The following ZC3H7B variants were observed in gnomAD, a reference collection of about 807,000 sequenced individuals.
ZC3H7B encodes zinc finger CCCH domain-containing protein 7B.
Under a neutral mutation model 116.0 loss-of-function variants are expected in ZC3H7B, and 35 were observed. The observed-to-expected ratio is 0.30, with a 90% CI of 0.23 to 0.40. ZC3H7B has a LOEUF of 0.40. ZC3H7B is among the 10% of genes least tolerant of loss of function. ZC3H7B has a pLI of 1.00. For missense variants in ZC3H7B, 1,011 were observed against 1,321.5 expected, an observed-to-expected ratio of 0.77 and a Z score of 3.64; for synonymous variants, 502 against 545.6, an observed-to-expected ratio of 0.92 and a Z score of 1.11.
intron 5 of ZC3H7B, among the ~76,000 whole-genome samples, chr22:41,328,925 G>A (rs756771219): frequency 2.2e-4 from 33 of 150,920 alleles, no homozygotes; most frequent in Non-Finnish European, 1.5e-5. Context: ...AGTGGCTCAC[G>A]CCTGTAATCC....
intron 17 of ZC3H7B, among the ~76,000 whole-genome samples, chr22:41,353,404 C>T (rs1281574913): frequency 2.0e-5 from 3 of 152,224 alleles, no homozygotes; most frequent in Non-Finnish European, 4.4e-5. Context: ...GAACCCTGGC[C>T]CTCGTATCTC....
chr22:41,314,739 A>G (rs1015896456), intron 1 of ZC3H7B, among the ~76,000 whole-genome samples: 11 of 151,408 alleles, frequency 7.3e-5, no homozygotes, highest in Admixed American at 7.2e-4. Context: ...CCTCCCAAGT[A>G]GCTGGGACTA....
chr22:41,317,470 A>G (rs1270918832), intron 1 of ZC3H7B, among the ~76,000 whole-genome samples: 2 of 152,094 alleles, frequency 1.3e-5, no homozygotes, highest in African/African-American at 4.8e-5. Flanking sequence ...GGGGGCACAA[A>G]CGTCCAGGCC....
chr22:41,348,766 G>C (rs1406440784), intron 15 of ZC3H7B, among the ~76,000 whole-genome samples: 1 of 152,206 alleles, frequency 6.6e-6, no homozygotes, highest in Non-Finnish European at 1.5e-5. Flanking sequence ...CTGCAGTGAG[G>C]GTAATTAAGA....
chr22:41,326,067 C>T (rs2036313875), intron 4 of ZC3H7B, 149 bp downstream of exon 4: 1 of 933,512 alleles, frequency 1.1e-6, no homozygotes, highest in African/African-American at 1.7e-5. Flanking sequence ...GTTCTCGTGG[C>T]TCTTAATCTC....
At chr22:41,356,611 G>A in intron 21 of ZC3H7B, 34 bp from the exon 22 acceptor site, 1 of 1,612,552 alleles carries the variant, frequency 6.2e-7, no homozygotes, top group Non-Finnish European at 8.5e-7. Flanking sequence ...CAGAGGTGTG[G>A]GGGAGCAGGC....
At chr22:41,313,634 G>C (rs928528356) in intron 1 of ZC3H7B, among the ~76,000 whole-genome samples, 45 of 152,296 alleles carry the variant, frequency 3.0e-4, no homozygotes, top group Admixed American at 1.7e-3. Flanking sequence ...TACACTGTCA[G>C]TATACGTACA....
At position 41,333,150 on chromosome 22, in the gene ZC3H7B, G is replaced by A. The variant is rs182249422; in HGVS notation, c.582+923G>A. 250 of 152,570 alleles carry A rather than the reference G, an allele frequency of 1.6e-3. 1 individual carries two copies. Among genetic ancestry groups the A allele is most frequent in the Middle Eastern group, 3.4e-3 (1 of 298 alleles). 9.5% of individuals were successfully genotyped at this position (152,570 alleles called of 1,614,324 possible). On this transcript the variant is annotated intron_variant, in intron 7 of 22. Coordinates refer to ENST00000352645, the MANE Select transcript of ZC3H7B (RefSeq NM_017590.6). Reference sequence around the variant, plus strand: ...GGGGACGGGGCCAGTGTCACACAGCGAGGCAGCAGCAGGCCTCCCTCCTCC... The same window carrying A: ...GGGGACGGGGCCAGTGTCACACAGCAAGGCAGCAGCAGGCCTCCCTCCTCC...
In ZC3H7B at chr22:41,320,609, G is replaced by T. The variant is rs377019991; in HGVS notation, c.-6-46G>T. The T allele has an allele frequency of 1.1e-5, 17 of 1,611,502 alleles. No individual in the cohort carries two copies. The Middle Eastern group carries it at 5.0e-4, about 47-fold the overall frequency. ...CACGAAGTGGTGGTGGCTGACGGCA[G>T]CCTGGCTCTTGCTGACTGACTGATG... On this transcript the variant is annotated intron_variant, in intron 1 of 22. Coordinates refer to ENST00000352645, the MANE Select transcript of ZC3H7B (RefSeq NM_017590.6).
At chr22:41,313,071 CAT>C (rs1412208020) in intron 1 of ZC3H7B, among the ~76,000 whole-genome samples, 1 of 151,048 alleles carries the variant, frequency 6.6e-6, no homozygotes, top group African/African-American at 2.4e-5. Flanking sequence ...TGTTTTCTCA[CAT>C]AAAAAATGAG....
chr22:41,309,006 T>A (rs943970093), intron 1 of ZC3H7B, among the ~76,000 whole-genome samples: 2 of 141,602 alleles, frequency 1.4e-5, no homozygotes, highest in Non-Finnish European at 3.1e-5. Context: ...ACTCCCAGTC[T>A]GCTTTTTTTT....
chr22:41,311,799 T>G (rs1032236410), intron 1 of ZC3H7B, among the ~76,000 whole-genome samples: 3 of 152,022 alleles, frequency 2.0e-5, no homozygotes, highest in African/African-American at 7.2e-5. Context: ...GATGTTGGTC[T>G]TGAGACCTGG....
chr22:41,342,260 A>G (rs540355962), intron 11 of ZC3H7B, among the ~76,000 whole-genome samples: 2 of 152,244 alleles, frequency 1.3e-5, no homozygotes, highest in Admixed American at 1.3e-4. Context: ...CCTTCAAAGA[A>G]AGGCTCAGAG....
rs373304213 is a variant in ZC3H7B, at chr22:41,346,122, G to A, written c.1579G>A (p.Asp527Asn). 16 of 1,613,436 alleles carry A rather than the reference G, an allele frequency of 9.9e-6. No homozygotes were observed. The highest frequency in any genetic ancestry group is 2.2e-5 in the East Asian group (1 of 44,892). ...KGTLNRDLLF[D>N]PLGGVKRGSL... ...CACCCTCAACCGCGACCTGCTCTTC[G>A]ACCCGCTGGGGGGTGTTAAGCGCGG... The change falls in exon 14 of 23, where the codon GAC becomes AAC. Residue 527 changes from aspartate (D) to asparagine (N), a missense_variant. Asp to Asn is a conservative substitution (Grantham distance 23). This residue lies in a region of ZC3H7B where 179 missense variants were observed against 178.5 expected (regional missense o/e 1.00). Transcript: ENST00000352645. This position sits in a 1 kb window ranked among gnomAD's most constrained non-coding sequence, Gnocchi z 5.3.
intron 1 of ZC3H7B, among the ~76,000 whole-genome samples, chr22:41,314,234 G>A (rs982622953): frequency 2.6e-5 from 4 of 151,442 alleles, no homozygotes; most frequent in Non-Finnish European, 5.9e-5. Context: ...TCAGCTCACT[G>A]CAACCTCTGC....
intron 2 of ZC3H7B, among the ~76,000 whole-genome samples, chr22:41,322,376 C>T (rs554527662): frequency 4.0e-5 from 6 of 151,730 alleles, no homozygotes; most frequent in East Asian, 2.0e-4. Context: ...TTAGTAGAGA[C>T]GGGGTTTCAC....
chr22:41,357,222 C>T lies in ZC3H7B; in HGVS notation c.2727C>T (p.Cys909=), dbSNP rs767051352. The T allele has an allele frequency of 6.8e-6, 11 of 1,613,522 alleles. No homozygotes were observed. The highest frequency in any genetic ancestry group is 2.7e-5 in the African/African-American group (2 of 74,914). Reference sequence around the variant, plus strand: ...GCCCAGATGGGGACAAGTGCCGCTGCGCCCATGGACAGGAGGAGCTCAACG... The same window carrying T: ...GCCCAGATGGGGACAAGTGCCGCTGTGCCCATGGACAGGAGGAGCTCAACG... ...KACPDGDKCR[C]AHGQEELNEW... is the part of the protein sequence containing the mutation. The change falls in exon 23 of 23, where the codon TGC becomes TGT. Residue 909 remains cysteine, a synonymous_variant. Transcript: ENST00000352645. This position sits in a 1 kb window ranked among gnomAD's most constrained non-coding sequence, Gnocchi z 5.4.
chr22:41,329,868 T>C (rs2036360325), intron 5 of ZC3H7B, among the ~76,000 whole-genome samples, 155 bp from the exon 6 acceptor site: 1 of 152,222 alleles, frequency 6.6e-6, no homozygotes, highest in Admixed American at 6.5e-5. Context: ...GCTGTGTGAC[T>C]TGGACAAGCC....
chr22:41,343,917 C>T (rs1442637970), intron 13 of ZC3H7B, among the ~76,000 whole-genome samples: 2 of 152,280 alleles, frequency 1.3e-5, no homozygotes, highest in South Asian at 2.1e-4. Context: ...TGAGGGGCCG[C>T]GGGGCAGTGT....
Sources: allele counts gnomAD v4.1 joint callset (sites outside exome capture counted in the v4.1 genomes callset), GRCh38; gene constraint gnomAD v4.1.1; regional missense constraint gnomAD v4.1.1; non-coding constraint Gnocchi (gnomAD v3.1); transcripts MANE v1.5; gene names NCBI Gene and HGNC (gene_info 2026-07-23, HGNC 2026-07-21).